LEKR1: variants seen among roughly 807,000 people sequenced by gnomAD.
LEKR1 encodes leucine, glutamate and lysine rich 1, also known as protein LEKR1.
LEKR1 carries 59 observed loss-of-function variants against 72.4 expected under a neutral mutation model. The observed-to-expected ratio is 0.82, with a 90% confidence interval of 0.66 to 1.01. The LOEUF (loss-of-function observed/expected upper bound fraction) is 1.01. Among genes scored for constraint, LEKR1 ranks in the 50% least tolerant of loss-of-function variants. The probability of loss-of-function intolerance (pLI) is 0.00; values close to 1 mark genes in which losing one functional copy is unlikely to be tolerated. For missense variants in LEKR1, 728 were observed against 759.2 expected, an observed-to-expected ratio of 0.96 and a Z score of 0.48; for synonymous variants, 257 against 263.2, an observed-to-expected ratio of 0.98 and a Z score of 0.23.
At position 156,882,530 on chromosome 3, in the gene LEKR1, A is replaced by G. The variant is rs1018467115; in HGVS notation, c.263+29548A>G. ...GGTGCTGGAGAGGATGTGGAGAAAT[A>G]GGAACACTTTTACACTGTTGGTGGG... On this transcript the variant is annotated intron_variant, in intron 3 of 12. Transcript: ENST00000356539. 2.0e-5 allele frequency among the ~76,000 whole-genome samples: 3 copies of G among 152,216 alleles called. 1 individual carries two copies.
chr3:156,919,988 T>G (rs915979709), intron 3 of LEKR1, among the ~76,000 whole-genome samples: 3 of 152,196 alleles, frequency 2.0e-5, no homozygotes, highest in Non-Finnish European at 2.9e-5. Context: ...TTCCTTGATT[T>G]TTTTTCTCTC....
chr3:156,957,585 TA>T (rs1168221234), intron 6 of LEKR1, among the ~76,000 whole-genome samples: 1 of 152,052 alleles, frequency 6.6e-6, no homozygotes, highest in Non-Finnish European at 1.5e-5. Flanking sequence ...CCACAGTTTT[TA>T]TACTCATTAA....
intron 9 of LEKR1, among the ~76,000 whole-genome samples, chr3:157,006,301 G>T (rs190810026): frequency 3.0e-4 from 45 of 152,248 alleles, no homozygotes; most frequent in African/African-American, 9.9e-4. Context: ...CACCGCGCCC[G>T]GCCACTACTA....
chr3:157,032,705 C>T (rs1393904659), intron 12 of LEKR1, among the ~76,000 whole-genome samples: 1 of 152,160 alleles, frequency 6.6e-6, no homozygotes, highest in African/African-American at 2.4e-5. Context: ...TGGAGAAAAT[C>T]TAGTTATGTG....
intron 3 of LEKR1, among the ~76,000 whole-genome samples, chr3:156,876,744 G>T (rs1013151092): frequency 1.3e-5 from 2 of 152,088 alleles, no homozygotes; most frequent in Admixed American, 1.3e-4. Context: ...GGTTTTCTAG[G>T]TATACAATCA....
intron 6 of LEKR1, among the ~76,000 whole-genome samples, chr3:156,964,684 A>G (rs1013191418): frequency 1.3e-5 from 2 of 152,118 alleles, no homozygotes; most frequent in African/African-American, 4.8e-5. Context: ...AAGAAGAGTC[A>G]GTACTCGGTG....
intron 3 of LEKR1, among the ~76,000 whole-genome samples, chr3:156,904,491 A>G (rs1362579951): frequency 6.6e-6 from 1 of 150,520 alleles, no homozygotes; most frequent in Non-Finnish European, 1.5e-5. Context: ...TGTGTCACTC[A>G]TATTTATTCC....
Position 156,947,568 on chromosome 3 carries a change from G to C in LEKR1, c.745+4854G>C, listed in dbSNP as rs1000375053. ...ACTTACAAATTTTTGACTTTACTGT[G>C]GCATTAAAGCAATATGCATTCAATA... On this transcript the variant is annotated intron_variant, in intron 6 of 12. Transcript: ENST00000356539. 2.6e-5 allele frequency among the ~76,000 whole-genome samples: 4 copies of C among 151,088 alleles called. No homozygotes were observed. The South Asian group carries it at 8.3e-4, about 31-fold the overall frequency.
intron 7 of LEKR1, chr3:156,988,371 TG>T: frequency 8.7e-6 from 2 of 230,988 alleles, no homozygotes. Flanking sequence ...GCCAGTTTGT[TG>T]GGGAGCTGAT....
chr3:156,936,806 TA>T (rs1725756245), intron 5 of LEKR1, among the ~76,000 whole-genome samples: 1 of 152,146 alleles, frequency 6.6e-6, no homozygotes, highest in African/African-American at 2.4e-5. Context: ...TGCCTTGTCC[TA>T]AAGTGCACAC....
At chr3:156,866,515 C>T (rs1047523772) in intron 3 of LEKR1, among the ~76,000 whole-genome samples, 1 of 152,036 alleles carries the variant, frequency 6.6e-6, no homozygotes, top group Admixed American at 6.6e-5. Flanking sequence ...TCCTTGTCCC[C>T]ACCCTGAAAT....
At chr3:156,900,108 G>C (rs1721865207) in intron 3 of LEKR1, among the ~76,000 whole-genome samples, 1 of 151,990 alleles carries the variant, frequency 6.6e-6, no homozygotes, top group Admixed American at 6.6e-5. Flanking sequence ...CAGACTGGTG[G>C]GGGGAACTAT....
chr3:156,955,494 C>T (rs969919097), intron 6 of LEKR1, among the ~76,000 whole-genome samples: 2 of 151,922 alleles, frequency 1.3e-5, no homozygotes, highest in Admixed American at 6.6e-5. Flanking sequence ...TCATATATGG[C>T]TCTTATTATT....
chr3:157,034,856 A>C (rs1734852258), intron 12 of LEKR1, among the ~76,000 whole-genome samples: 1 of 152,066 alleles, frequency 6.6e-6, no homozygotes, highest in African/African-American at 2.4e-5. Context: ...TCTGTTGCCC[A>C]GGCTGGAGTG....
chr3:157,043,270 A>G (rs913437950), intron 12 of LEKR1, among the ~76,000 whole-genome samples: 1 of 152,144 alleles, frequency 6.6e-6, no homozygotes, highest in Non-Finnish European at 1.5e-5. Flanking sequence ...AGTCTCAGGT[A>G]TTTCTTTAGA....
intron 6 of LEKR1, among the ~76,000 whole-genome samples, chr3:156,950,343 T>C (rs1727043408): frequency 6.6e-6 from 1 of 151,538 alleles, no homozygotes; most frequent in Non-Finnish European, 1.5e-5. Flanking sequence ...TCCATATGAA[T>C]TTTTAAATAA....
chr3:156,852,867 G>A lies in LEKR1; in HGVS notation c.148G>A (p.Glu50Lys). The A allele has an allele frequency of 6.5e-7, 1 of 1,534,820 alleles. No individual in the cohort carries two copies. The highest frequency in any genetic ancestry group is 8.7e-7 in the Non-Finnish European group (1 of 1,145,076). ...MEEKVKAMEK[E>K]MKFYQGSVDR... ...AGAAAAAGTGAAAGCAATGGAAAAA[G>A]AGATGAAATTTTATCAAGGAAGTGT... Residue 50 changes from glutamate to lysine, a missense_variant, in exon 3 of 13, where the codon GAG becomes AAG. By Grantham distance (56) the Glu-to-Lys change is moderately conservative. Coordinates refer to ENST00000356539, the MANE Select transcript of LEKR1 (RefSeq NM_001004316.3).
intron 3 of LEKR1, among the ~76,000 whole-genome samples, chr3:156,899,026 C>CA (rs753426661): frequency 2.4e-4 from 36 of 151,848 alleles, no homozygotes; most frequent in Non-Finnish European, 1.9e-4. Flanking sequence ...GGAAAGGAGA[C>CA]AAAAAAGAGC....
At chr3:157,013,893 C>CA (rs1733099914) in intron 10 of LEKR1, among the ~76,000 whole-genome samples, 1 of 151,788 alleles carries the variant, frequency 6.6e-6, no homozygotes, top group Admixed American at 6.6e-5. Context: ...TTTTAACATG[C>CA]AAAAAAGTAG....
Sources: allele counts gnomAD v4.1 joint callset (sites outside exome capture counted in the v4.1 genomes callset), GRCh38; gene constraint gnomAD v4.1.1; transcripts MANE v1.5; gene names NCBI Gene and HGNC (gene_info 2026-07-23, HGNC 2026-07-21).